BAG3: variants seen among roughly 807,000 people sequenced by gnomAD.
The protein encoded by BAG3 is BAG family molecular chaperone regulator 3.
BAG3 carries 14 observed loss-of-function variants against 40.5 expected under a neutral mutation model. The ratio of observed to expected loss-of-function variants is 0.35; its 90% CI spans 0.23 to 0.54. The LOEUF (loss-of-function observed/expected upper bound fraction) is 0.54, where lower values mean the gene tolerates loss of function less well. BAG3 is among the 20% of genes least tolerant of loss of function. BAG3 has a pLI of 0.91. For synonymous variants in BAG3, 302 were observed against 307.8 expected (o/e 0.98, Z 0.20); for missense variants, 788 against 758.6 (o/e 1.04, Z -0.46).
Position 119,677,550 on chromosome 10 carries a change from A to AC in BAG3, c.*273dup. 1.9e-6 allele frequency: 1 copy of AC among 533,818 alleles called. No homozygotes were observed. The allele number at this position is 533,818 out of a possible 1,614,324, so 33.1% of individuals were successfully genotyped here. On this transcript the variant is annotated 3_prime_UTR_variant, in exon 4 of 4. Coordinates refer to ENST00000369085, the MANE Select transcript of BAG3 (RefSeq NM_004281.4). Reference sequence around the variant, plus strand: ...GTTCTGCAGCCCTGTCTACTTGGGCACCCCCACCACCTGTTAGCTGTGGTT... The same window carrying AC: ...GTTCTGCAGCCCTGTCTACTTGGGCACCCCCCACCACCTGTTAGCTGTGGTT...
rs770920565 is a variant in BAG3 at position 119,677,179 on chromosome 10, C to T, written c.1625C>T (p.Ala542Val). 3.0e-5 allele frequency: 48 copies of T among 1,614,030 alleles called. No individual in the cohort carries two copies. Among genetic ancestry groups the T allele is most frequent in the Middle Eastern group, 1.6e-4 (1 of 6,084 alleles). The change falls in exon 4 of 4, where the codon GCA becomes GTA. Residue 542 changes from alanine (A) to valine (V), a missense_variant. By Grantham distance (64) the Ala-to-Val change is moderately conservative. Transcript: ENST00000369085. ...ADKGKKNAGNAEDPHTETQQP... is the reference protein window; with the variant it reads ...ADKGKKNAGNVEDPHTETQQP... Reference sequence around the variant, plus strand: ...AAGGGCAAGAAAAATGCTGGAAATGCAGAAGATCCCCACACAGAAACCCAG... The same window carrying T: ...AAGGGCAAGAAAAATGCTGGAAATGTAGAAGATCCCCACACAGAAACCCAG...
chr10:119,677,635 C>A lies in BAG3; in HGVS notation c.*353C>A. 2 of 316,286 alleles carry A rather than the reference C, an allele frequency of 6.3e-6. No homozygotes were observed. The highest frequency in any genetic ancestry group is 1.2e-5 in the Non-Finnish European group (2 of 168,398). The allele number at this position is 316,286 out of a possible 1,614,324, so 19.6% of individuals were successfully genotyped here. On this transcript the variant is annotated 3_prime_UTR_variant, in exon 4 of 4. Transcript: ENST00000369085. ...TAGATGGGGAGTCAATTACCCATCA[C>A]ATAAATATGAAACATTTATCAGAAA...
chr10:119,671,068 C>T (rs969293282), intron 2 of BAG3, among the ~76,000 whole-genome samples: 10 of 152,074 alleles, frequency 6.6e-5, no homozygotes, highest in African/African-American at 2.4e-4. Context: ...GAGGTAGTAC[C>T]TGGCTGAGGC....
At chr10:119,654,117 A>G (rs566324246) in intron 1 of BAG3, among the ~76,000 whole-genome samples, 1 of 152,372 alleles carries the variant, frequency 6.6e-6, no homozygotes, top group Admixed American at 6.5e-5. Context: ...GCTTTGACAC[A>G]CACAATATCA....
intron 1 of BAG3, among the ~76,000 whole-genome samples, chr10:119,652,481 A>G (rs1277167684): frequency 2.0e-5 from 3 of 152,172 alleles, no homozygotes; most frequent in Non-Finnish European, 2.9e-5. Flanking sequence ...TTAAAATTGT[A>G]TTATTGTTTG....
chr10:119,652,198 C>T (rs1048422952), intron 1 of BAG3, among the ~76,000 whole-genome samples: 1 of 152,042 alleles, frequency 6.6e-6, no homozygotes, highest in Non-Finnish European at 1.5e-5. Context: ...GGGAGAGGGG[C>T]GGCCGGCCTG....
chr10:119,668,265 GC>G (rs1333028785), intron 1 of BAG3, among the ~76,000 whole-genome samples: 4 of 152,194 alleles, frequency 2.6e-5, no homozygotes, highest in Non-Finnish European at 4.4e-5. Flanking sequence ...GCCACCTGGT[GC>G]CCACGCCTGC....
intron 1 of BAG3, among the ~76,000 whole-genome samples, chr10:119,669,225 C>T (rs950687696): frequency 1.3e-5 from 2 of 152,184 alleles, no homozygotes; most frequent in African/African-American, 2.4e-5. Context: ...CAGTTGGCAT[C>T]GTTAGGCGAC....
chr10:119,672,182 G>T lies in BAG3; in HGVS notation c.508-73G>T. On this transcript the variant is annotated intron_variant, in intron 2 of 3. Transcript: ENST00000369085. The surrounding 1 kb of genome is among the most constrained non-coding windows in gnomAD (Gnocchi z 4.8). ...GATTGCCCTGAGGAGGTGCACAGCA[G>T]AAGGCGTGGTCAGGATGCCAAGCCA... 6.3e-7 allele frequency: 1 copy of T among 1,583,112 alleles called. No individual in the cohort carries two copies.
At chr10:119,670,244 T>G (rs1847130612) in intron 2 of BAG3, 67 bp downstream of exon 2, 2 of 1,516,804 alleles carry the variant, frequency 1.3e-6, no homozygotes, top group Admixed American at 4.1e-5. Context: ...GCCGGGCCCA[T>G]CCCCTCAGGA....
At chr10:119,656,436 C>G (rs1050763762) in intron 1 of BAG3, among the ~76,000 whole-genome samples, 4 of 149,076 alleles carry the variant, frequency 2.7e-5, no homozygotes, top group Admixed American at 6.7e-5. Context: ...GCTGGGGTGC[C>G]GTAGTGCGAT....
At chr10:119,652,568 C>A (rs1184191597) in intron 1 of BAG3, among the ~76,000 whole-genome samples, 3 of 152,204 alleles carry the variant, frequency 2.0e-5, no homozygotes, top group African/African-American at 7.2e-5. Context: ...CCAGCAGTTT[C>A]TAGAGATCTA....
chr10:119,676,522 G>A lies in BAG3; in HGVS notation c.968G>A (p.Ser323Asn), dbSNP rs754387872. The change falls in exon 4 of 4, where the codon AGT (serine) becomes AAT (asparagine). Residue 323 changes from serine to asparagine, a missense_variant. Coordinates refer to ENST00000369085, the MANE Select transcript of BAG3 (RefSeq NM_004281.4). The part of the protein sequence containing the change: ...PVSQPENKPE[S>N]KPGPVGPELP... The stretch of plus-strand genomic sequence containing the variant: ...TCCCAGCCTGAAAACAAACCAGAAA[G>A]TAAGCCAGGCCCAGTTGGACCAGAA... 1.6e-5 allele frequency: 26 copies of A among 1,613,842 alleles called. No individual in the cohort carries two copies. The Admixed American group carries it at 2.0e-4, about 12-fold the overall frequency.
chr10:119,677,270 A>AG lies in BAG3; in HGVS notation c.1717dup (p.Ala573GlyfsTer9), dbSNP rs2134069610. 6.2e-7 allele frequency: 1 copy of AG among 1,614,042 alleles called. No individual in the cohort carries two copies. The highest frequency in any genetic ancestry group is 8.5e-7 in the Non-Finnish European group (1 of 1,180,044). On this transcript the variant is annotated frameshift_variant, in exon 4 of 4. Coordinates refer to ENST00000369085, the MANE Select transcript of BAG3 (RefSeq NM_004281.4). LOFTEE classifies it high-confidence loss of function. Reference sequence around the variant, plus strand: ...GCATGACAGACACCCCTGGTAACCCAGCAGCACCGTAGCCTCTGCCCTGTA... The same window carrying AG: ...GCATGACAGACACCCCTGGTAACCCAGGCAGCACCGTAGCCTCTGCCCTGTA...
At chr10:119,674,803 T>C (rs1847197073) in intron 3 of BAG3, among the ~76,000 whole-genome samples, 1 of 151,316 alleles carries the variant, frequency 6.6e-6, no homozygotes, top group African/African-American at 2.4e-5. Flanking sequence ...ACCCCATCTC[T>C]ACTAAAAATA....
intron 1 of BAG3, among the ~76,000 whole-genome samples, chr10:119,668,491 T>C (rs1227398143): frequency 1.3e-5 from 2 of 152,216 alleles, no homozygotes; most frequent in African/African-American, 2.4e-5. Context: ...TACACAGATA[T>C]ATGCAAATGA....
rs189696330 is a variant in BAG3, at chr10:119,671,002, C to T, written c.507+825C>T. Among the ~76,000 whole-genome samples, 27 of 152,272 alleles carry T rather than the reference C, an allele frequency of 1.8e-4. No individual in the cohort carries two copies. The East Asian group carries it at 5.0e-3, about 28-fold the overall frequency. ...CCGTCTGAATCTGTTCAGCTTCACA[C>T]CTGCTTGAGAGTGAAAGTTACAGTT... On this transcript the variant is annotated intron_variant, in intron 2 of 3. Coordinates refer to ENST00000369085, the MANE Select transcript of BAG3 (RefSeq NM_004281.4).
chr10:119,659,836 A>C (rs1846968508), intron 1 of BAG3, among the ~76,000 whole-genome samples: 1 of 151,872 alleles, frequency 6.6e-6, no homozygotes, highest in African/African-American at 2.4e-5. Flanking sequence ...CTAAATTCAG[A>C]GTTTGCTTCC....
rs1246603543 is a variant in BAG3 at position 119,676,501 on chromosome 10, A to G, written c.947A>G (p.Gln316Arg). 8.1e-6 allele frequency: 13 copies of G among 1,613,822 alleles called. 1 individual carries two copies. The highest frequency in any genetic ancestry group is 1.1e-5 in the Non-Finnish European group (13 of 1,180,000). ...CATCGAGAAACTGCACCTGTTTCCC[A>G]GCCTGAAAACAAACCAGAAAGTAAG... Reference protein sequence around the residue: ...MTHRETAPVSQPENKPESKPG... With the variant: ...MTHRETAPVSRPENKPESKPG... The change falls in exon 4 of 4, where the codon CAG becomes CGG. Residue 316 changes from glutamine to arginine, a missense_variant. Physicochemically the swap from Gln to Arg is conservative, Grantham distance 43. Transcript: ENST00000369085.
Sources: allele counts gnomAD v4.1 joint callset (sites outside exome capture counted in the v4.1 genomes callset), GRCh38; gene constraint gnomAD v4.1.1; non-coding constraint Gnocchi (gnomAD v3.1); transcripts MANE v1.5; gene names NCBI Gene and HGNC (gene_info 2026-07-23, HGNC 2026-07-21).